MYO18B: variants seen among roughly 807,000 people sequenced by gnomAD.
MYO18B encodes unconventional myosin-XVIIIb.
A neutral mutation model predicts 273.0 loss-of-function variants in MYO18B; 204 were observed. That is an observed-to-expected ratio of 0.75 (90% CI 0.67 to 0.84). The LOEUF (loss-of-function observed/expected upper bound fraction) is 0.84. MYO18B is among the 40% of genes least tolerant of loss of function. The probability of loss-of-function intolerance (pLI) is 0.00; values close to 1 mark genes in which losing one functional copy is unlikely to be tolerated. For synonymous variants in MYO18B, 1,330 were observed against 1,305.7 expected, an observed-to-expected ratio of 1.02 and a Z score of -0.40; for missense variants, 3,212 against 3,287.6, an observed-to-expected ratio of 0.98 and a Z score of 0.56.
intron 40 of MYO18B, among the ~76,000 whole-genome samples, chr22:25,999,702 C>T (rs939670258): frequency 2.7e-5 from 4 of 148,554 alleles, no homozygotes; most frequent in African/African-American, 1.0e-4. Context: ...GTCACCCAGG[C>T]TGGAGTGCAA....
intron 34 of MYO18B, among the ~76,000 whole-genome samples, chr22:25,928,463 A>G (rs1569201085): frequency 6.6e-6 from 1 of 151,184 alleles, no homozygotes; most frequent in Non-Finnish European, 1.5e-5. Context: ...CCTGATGTGC[A>G]GAATATCAGG....
intron 12 of MYO18B, among the ~76,000 whole-genome samples, chr22:25,815,222 A>G (rs781041769): frequency 6.6e-6 from 1 of 152,224 alleles, no homozygotes; most frequent in Non-Finnish European, 1.5e-5. Context: ...GGCGAGGGGC[A>G]TGTGAATGTG....
intron 1 of MYO18B, among the ~76,000 whole-genome samples, chr22:25,747,669 G>A (rs1288861419): frequency 6.6e-6 from 1 of 152,170 alleles, no homozygotes; most frequent in Admixed American, 6.5e-5. Flanking sequence ...TAGCAATGGA[G>A]GCTGGCAGGG....
intron 34 of MYO18B, among the ~76,000 whole-genome samples, chr22:25,923,444 C>G (rs1355575039): frequency 6.6e-6 from 1 of 152,198 alleles, no homozygotes; most frequent in African/African-American, 2.4e-5. Context: ...TCATGATACC[C>G]CTAGGGGAGG....
chr22:26,041,534 A>T, the MYO18B span, among the ~76,000 whole-genome samples: 6 of 152,154 alleles, frequency 3.9e-5, no homozygotes, highest in African/African-American at 1.2e-4. Flanking sequence ...TCTATCTCAA[A>T]AATAATAATA....
At chr22:25,766,006 C>T (rs185376470) in intron 3 of MYO18B, among the ~76,000 whole-genome samples, 2 of 152,344 alleles carry the variant, frequency 1.3e-5, no homozygotes, top group East Asian at 3.9e-4. Context: ...TGAGCACCAG[C>T]TGAACCTCGT....
chr22:25,954,584 G>C (rs985029894), intron 38 of MYO18B, among the ~76,000 whole-genome samples: 3 of 152,126 alleles, frequency 2.0e-5, no homozygotes, highest in Admixed American at 2.0e-4. Flanking sequence ...CTCTCAGAGG[G>C]CCTCCATAAC....
intron 34 of MYO18B, among the ~76,000 whole-genome samples, chr22:25,924,097 G>A (rs551853016): frequency 1.2e-4 from 18 of 152,274 alleles, no homozygotes; most frequent in African/African-American, 4.1e-4. Context: ...GGATGGGATC[G>A]CGTGGACCAG....
At chr22:25,784,901 C>T (rs1057045809) in intron 10 of MYO18B, among the ~76,000 whole-genome samples, 2 of 152,160 alleles carry the variant, frequency 1.3e-5, no homozygotes, top group African/African-American at 4.8e-5. Flanking sequence ...GGCAGGATAG[C>T]GCGGAGTCTG....
chr22:25,891,542 A>G (rs949065648), intron 27 of MYO18B, 130 bp downstream of exon 27: 2 of 638,122 alleles, frequency 3.1e-6, no homozygotes, highest in Middle Eastern at 4.1e-4. Flanking sequence ...GGCAGAGCAA[A>G]CAGGCACAGC....
In MYO18B at chr22:25,846,139, G is replaced by C; in HGVS notation, c.3408G>C (p.Leu1136=). Residue 1136 remains leucine, a synonymous_variant, in exon 19 of 44, where the codon CTG becomes CTC. Coordinates refer to ENST00000335473, the MANE Select transcript of MYO18B (RefSeq NM_032608.7). The stretch of plus-strand genomic sequence containing the variant: ...GTCTATTCCAGGCCCGGGCCAAGCT[G>C]CCTCCTGTGTGCCGGGCTGTGGCAG... ...LRSLFQARAK[L]PPVCRAVAGL... 1 of 1,601,642 alleles carries C rather than the reference G, an allele frequency of 6.2e-7. No homozygotes were observed. Among genetic ancestry groups the C allele is most frequent in the Non-Finnish European group, 8.5e-7 (1 of 1,175,642 alleles).
At chr22:25,899,799 A>AGAGTGACTGATGGTTCAGAT (rs111386515) in intron 29 of MYO18B, 135,049 of 151,040 alleles carry the variant, frequency 0.89, 60,791 homozygotes, top group Middle Eastern at 0.97. Context: ...TCTGGGCCAG[A>AGAGTGACTGATGGTTCAGAT]GAGTGACTGA....
rs910662542 is a variant in MYO18B at position 25,837,613 on chromosome 22, T to C, written c.3208+2170T>C. On this transcript the variant is annotated intron_variant, in intron 17 of 43. Coordinates refer to ENST00000335473, the MANE Select transcript of MYO18B (RefSeq NM_032608.7). The stretch of plus-strand genomic sequence containing the variant: ...AGCGCCGGCAGAAGCTTCCAGCTTA[T>C]GGTGACCAGCAGAGACCTCTGTCCG... 1.3e-5 allele frequency among the ~76,000 whole-genome samples: 2 copies of C among 152,222 alleles called. 1 individual carries two copies. The highest frequency in any genetic ancestry group is 2.9e-5 in the Non-Finnish European group (2 of 68,030).
chr22:25,743,053 G>A (rs2085675232), intron 1 of MYO18B, among the ~76,000 whole-genome samples: 1 of 152,264 alleles, frequency 6.6e-6, no homozygotes, highest in Non-Finnish European at 1.5e-5. Context: ...CCTTCCTGCA[G>A]CTTTTCCATG....
At chr22:26,049,190 A>T in the MYO18B span, among the ~76,000 whole-genome samples, 2 of 152,232 alleles carry the variant, frequency 1.3e-5, no homozygotes, top group Non-Finnish European at 2.9e-5. Flanking sequence ...AGATCTCCGA[A>T]GTGGCAACCA....
Position 25,903,777 on chromosome 22 carries a change from T to C in MYO18B, c.5094T>C (p.Leu1698=), listed in dbSNP as rs756669633. 39 of 1,604,266 alleles carry C rather than the reference T, an allele frequency of 2.4e-5. No individual in the cohort carries two copies. Among genetic ancestry groups the C allele is most frequent in the Middle Eastern group, 3.4e-4 (2 of 5,922 alleles). ...TCTGGAAGTTGGAATCCAGCGCCCTTGAGCAACAGAAAATCCAGAGCCAGC... is the reference window on the plus strand; with the variant it reads ...TCTGGAAGTTGGAATCCAGCGCCCTCGAGCAACAGAAAATCCAGAGCCAGC... ...ERLWKLESSA[L]EQQKIQSQQE... is the part of the protein sequence containing the mutation. The change falls in exon 31 of 44, where the codon CTT becomes CTC. Residue 1698 remains leucine, a synonymous_variant. Transcript: ENST00000335473.
At chr22:25,876,129 T>TC in intron 23 of MYO18B, 60 bp from the exon 24 acceptor site, 2 of 1,545,724 alleles carry the variant, frequency 1.3e-6, no homozygotes, top group Non-Finnish European at 1.8e-6. Flanking sequence ...CCTCCTCTCC[T>TC]TCCTTTATCC....
chr22:25,948,527 T>TCTTCCTTCCTTCCTTCCTTCCTCCCTTC (rs2092753819), intron 36 of MYO18B, among the ~76,000 whole-genome samples: 1 of 110,410 alleles, frequency 9.1e-6, no homozygotes, highest in Non-Finnish European at 1.9e-5. Context: ...CTTCTTTCTT[T>TCTTCCTTCCTTCCTTCCTTCCTCCCTTC]CTTCCTTCCT....
chr22:25,830,952 A>G (rs1305931683), intron 15 of MYO18B, among the ~76,000 whole-genome samples: 1 of 152,206 alleles, frequency 6.6e-6, no homozygotes, highest in East Asian at 1.9e-4. Flanking sequence ...TTCCCATAAT[A>G]TTTCACTTAT....
Sources: allele counts gnomAD v4.1 joint callset (sites outside exome capture counted in the v4.1 genomes callset), GRCh38; gene constraint gnomAD v4.1.1; transcripts MANE v1.5; gene names NCBI Gene and HGNC (gene_info 2026-07-23, HGNC 2026-07-21).